The following GPHN variants were observed in gnomAD, a reference collection of about 807,000 sequenced individuals.
GPHN encodes the protein gephyrin.
In GPHN, 17 loss-of-function variants were observed where a neutral mutation model predicts 95.5. That is an observed-to-expected ratio of 0.18 (90% CI 0.12 to 0.27). The LOEUF is 0.27. Among genes scored for constraint, GPHN ranks in the 10% least tolerant of loss-of-function variants. The pLI is 1.00. For synonymous variants in GPHN, 320 were observed against 322.5 expected, an observed-to-expected ratio of 0.99 and a Z score of 0.08; for missense variants, 660 against 978.1, an observed-to-expected ratio of 0.67 and a Z score of 4.34.
At chr14:67,635,273 C>T in the GPHN span, among the ~76,000 whole-genome samples, 20 of 152,250 alleles carry the variant, frequency 1.3e-4, no homozygotes, top group Admixed American at 1.1e-3. Flanking sequence ...TAAGGTTGTA[C>T]AGTCTTTGGG....
chr14:67,565,312 C>G, the GPHN span, among the ~76,000 whole-genome samples: 9 of 152,132 alleles, frequency 5.9e-5, no homozygotes, highest in Admixed American at 5.2e-4. Flanking sequence ...GGCACAATCA[C>G]AGTCCACTGC....
intron 10 of GPHN, among the ~76,000 whole-genome samples, chr14:67,041,360 C>T (rs1292315984): frequency 6.6e-6 from 1 of 151,982 alleles, no homozygotes; most frequent in Non-Finnish European, 1.5e-5. Context: ...AATGTTATCC[C>T]TCCCCTAACC....
chr14:67,663,872 T>G, the GPHN span, among the ~76,000 whole-genome samples: 1 of 152,156 alleles, frequency 6.6e-6, no homozygotes, highest in African/African-American at 2.4e-5. Context: ...CATGTAAACT[T>G]AGATAATTTC....
intron 5 of GPHN, among the ~76,000 whole-genome samples, chr14:66,904,090 A>G (rs915522036): frequency 2.0e-5 from 3 of 152,074 alleles, no homozygotes; most frequent in African/African-American, 4.8e-5. Context: ...TTGTGTGTCC[A>G]GAGTTGGTTC....
intron 10 of GPHN, among the ~76,000 whole-genome samples, chr14:67,033,144 C>T (rs1055981690): frequency 1.3e-5 from 2 of 152,032 alleles, no homozygotes; most frequent in Non-Finnish European, 2.9e-5. Flanking sequence ...TTGAAAAACT[C>T]ACTAGAGGGG....
intron 6 of GPHN, among the ~76,000 whole-genome samples, chr14:66,917,773 G>A (rs2065992206): frequency 6.6e-6 from 1 of 152,054 alleles, no homozygotes; most frequent in South Asian, 2.1e-4. Context: ...AACTTTTTGG[G>A]AATTATCTCC....
the GPHN span, among the ~76,000 whole-genome samples, chr14:67,403,028 AT>A: frequency 6.6e-6 from 1 of 152,196 alleles, no homozygotes; most frequent in African/African-American, 2.4e-5. Context: ...ACTAATTTAC[AT>A]TCTCACCAAC....
chr14:66,677,908 C>T (rs958705611), intron 1 of GPHN, among the ~76,000 whole-genome samples: 1 of 152,062 alleles, frequency 6.6e-6, no homozygotes, highest in Non-Finnish European at 1.5e-5. Context: ...TAGTACTTTG[C>T]TTAAACCATT....
In GPHN at chr14:67,165,448, ATATCAAAGCACATTCCAAATCC is replaced by A. The variant is rs3830996; in HGVS notation, c.1975+247_1975+268del. Reference sequence around the variant, plus strand: ...GTGTGAAAGTCAGATTAGATAATATATATCAAAGCACATTCCAAATCCTATCAAAGCACATTCCAAATCCTAA... The same window carrying A: ...GTGTGAAAGTCAGATTAGATAATATATATCAAAGCACATTCCAAATCCTAA... On this transcript the variant is annotated intron_variant, in intron 20 of 22. Transcript: ENST00000478722. Among the ~76,000 whole-genome samples the A allele has an allele frequency of 0.33, 49,877 of 151,698 alleles. 13,203 individuals carry two copies. Among genetic ancestry groups the A allele is most frequent in the African/African-American group, 0.72 (29,490 of 41,240 alleles).
Position 66,879,955 on chromosome 14 carries a change from T to C in GPHN, c.311T>C (p.Ile104Thr). 1 of 1,608,354 alleles carries C rather than the reference T, an allele frequency of 6.2e-7. No homozygotes were observed. Among genetic ancestry groups the C allele is most frequent in the Non-Finnish European group, 8.5e-7 (1 of 1,175,170 alleles). Residue 104 changes from isoleucine to threonine, a missense_variant, in exon 5 of 23, where the codon ATA becomes ACA. Physicochemically the swap from Ile to Thr is moderately conservative, Grantham distance 89. This residue lies in a region of GPHN where 71 missense variants were observed against 130.8 expected (regional missense o/e 0.54). Transcript: ENST00000478722. The stretch of plus-strand genomic sequence containing the variant: ...TAATTACAGGCCACAAAAGAAGTAA[T>C]AGAACGGGAAGCACCAGGGATGGCC... ...DVTPEATKEV[I>T]EREAPGMALA...
Position 67,089,013 on chromosome 14 carries a change from T to C in GPHN, c.1175T>C (p.Val392Ala). Residue 392 changes from valine (V) to alanine (A), a missense_variant, in exon 12 of 23, where the codon GTA (valine) becomes GCA (alanine). Physicochemically the swap from Val to Ala is moderately conservative, Grantham distance 64. Transcript: ENST00000478722. The stretch of plus-strand genomic sequence containing the variant: ...ATGGGGCGAGTCCTTGCTCAAGATG[T>C]ATATGCAAAAGACAATTTACCCCCC... ...DGMGRVLAQD[V>A]YAKDNLPPFP... 1 of 1,603,222 alleles carries C rather than the reference T, an allele frequency of 6.2e-7. No homozygotes were observed. The highest frequency in any genetic ancestry group is 8.5e-7 in the Non-Finnish European group (1 of 1,170,124).
the GPHN span, chr14:67,656,731 A>G: frequency 1.1e-6 from 1 of 935,450 alleles, no homozygotes; most frequent in South Asian, 2.9e-5. Context: ...CAAAGAAGCT[A>G]ATGATTCTTT....
chr14:67,650,762 A>C, the GPHN span: 1 of 1,614,182 alleles, frequency 6.2e-7, no homozygotes, highest in Non-Finnish European at 8.5e-7. Context: ...TCAGTTGGCC[A>C]CCTCAGAGGA....
At chr14:66,533,782 G>A (rs1249174126) in intron 1 of GPHN, among the ~76,000 whole-genome samples, 1 of 152,170 alleles carries the variant, frequency 6.6e-6, no homozygotes, top group African/African-American at 2.4e-5. Context: ...GGAATTACAG[G>A]AGTGAACACA....
chr14:67,114,580 C>T (rs1465678706), intron 16 of GPHN, among the ~76,000 whole-genome samples: 1 of 152,130 alleles, frequency 6.6e-6, no homozygotes, highest in East Asian at 1.9e-4. Flanking sequence ...GTCCTAGCTA[C>T]TGAGGAGGCT....
chr14:66,829,292 T>C (rs886858179), intron 4 of GPHN, among the ~76,000 whole-genome samples: 1 of 152,014 alleles, frequency 6.6e-6, no homozygotes, highest in African/African-American at 2.4e-5. Context: ...TTCGCCACAT[T>C]GGCCAGGATG....
the GPHN span, among the ~76,000 whole-genome samples, chr14:67,432,687 G>A: frequency 6.6e-6 from 1 of 152,190 alleles, no homozygotes; most frequent in African/African-American, 2.4e-5. Context: ...ATGTTCAGGA[G>A]GACAGAAGTC....
the GPHN span, among the ~76,000 whole-genome samples, chr14:67,361,691 C>T: frequency 6.6e-6 from 1 of 152,114 alleles, no homozygotes; most frequent in Non-Finnish European, 1.5e-5. Flanking sequence ...TTGAAATTAG[C>T]CTGGAGTTTG....
At chr14:67,064,982 A>G (rs2075986973) in intron 11 of GPHN, among the ~76,000 whole-genome samples, 1 of 151,264 alleles carries the variant, frequency 6.6e-6, no homozygotes, top group Admixed American at 6.6e-5. Flanking sequence ...TAGCTTTTGA[A>G]TGTGTTTGCT....
Sources: allele counts gnomAD v4.1 joint callset (sites outside exome capture counted in the v4.1 genomes callset), GRCh38; gene constraint gnomAD v4.1.1; regional missense constraint gnomAD v4.1.1; transcripts MANE v1.5; gene names NCBI Gene and HGNC (gene_info 2026-07-23, HGNC 2026-07-21).